Variants in RASGRP3 observed in about 807,000 individuals in gnomAD.
RASGRP3 encodes the protein ras guanyl-releasing protein 3.
A neutral mutation model predicts 82.7 loss-of-function variants in RASGRP3; 54 were observed. The observed-to-expected ratio is 0.65, with a 90% CI of 0.52 to 0.82. RASGRP3 has a LOEUF of 0.82. Among genes scored for constraint, RASGRP3 ranks in the 40% least tolerant of loss-of-function variants. The probability of loss-of-function intolerance (pLI) is 0.00; values close to 1 mark genes in which losing one functional copy is unlikely to be tolerated. For synonymous variants in RASGRP3, 309 were observed against 300.5 expected (o/e 1.03, Z -0.29); for missense variants, 861 against 828.9 (o/e 1.04, Z -0.48).
chr2:33,483,486 ATTTTTTTTTT>A (rs202150682), intron 1 of RASGRP3, among the ~76,000 whole-genome samples: 2 of 125,932 alleles, frequency 1.6e-5, no homozygotes, highest in African/African-American at 5.9e-5. Context: ...TTTAGCCACT[ATTTTTTTTTT>A]TTTTTTTTTT....
intron 17 of RASGRP3, 67 bp downstream of exon 17, chr2:33,559,097 A>C: frequency 7.5e-7 from 1 of 1,327,402 alleles, no homozygotes; most frequent in East Asian, 2.5e-5. Context: ...GATGAGCGTT[A>C]CAGAGGGTCT....
chr2:33,487,564 C>G (rs1668501976), intron 1 of RASGRP3, among the ~76,000 whole-genome samples: 1 of 152,106 alleles, frequency 6.6e-6, no homozygotes. Context: ...AAGCAGTTAG[C>G]CTGGTTCAGC....
chr2:33,453,506 T>C (rs1398624272), intron 2 of RASGRP3, among the ~76,000 whole-genome samples: 2 of 152,222 alleles, frequency 1.3e-5, no homozygotes, highest in Non-Finnish European at 2.9e-5. Context: ...AGTTCCTTTC[T>C]TCGTGGACTT....
chr2:33,455,738 A>G (rs1198008671), intron 2 of RASGRP3, among the ~76,000 whole-genome samples: 1 of 152,216 alleles, frequency 6.6e-6, no homozygotes, highest in East Asian at 1.9e-4. Flanking sequence ...TGCAGACTCT[A>G]TGAAAGAACG....
At chr2:33,548,179 G>A (rs1674992759) in intron 13 of RASGRP3, among the ~76,000 whole-genome samples, 2 of 151,970 alleles carry the variant, frequency 1.3e-5, no homozygotes, top group Non-Finnish European at 2.9e-5. Flanking sequence ...GGCTAACACG[G>A]TGAAACCCCG....
In RASGRP3 at chr2:33,523,834, A is replaced by G. The variant is rs111884492; in HGVS notation, c.517-45A>G. ...GCAATATTCTAATTTTTGATTTTAC[A>G]AAGGCTCTATTATAATTCAGAGTCT... is the stretch of plus-strand genomic sequence containing the variant. On this transcript the variant is annotated intron_variant, in intron 7 of 17. Transcript: ENST00000403687. The G allele has an allele frequency of 8.6e-4, 1,287 of 1,494,504 alleles. 12 individuals carry two copies. The African/African-American group carries it at 0.016, about 18-fold the overall frequency. 92.6% of individuals were successfully genotyped at this position (1,494,504 alleles called of 1,614,324 possible). A position where few individuals can be genotyped will look rare whatever the true frequency, so the allele number is the denominator to read the frequency against.
At chr2:33,547,342 C>CTTTTTTTTTTTTTTTGTTTTTTTT (rs1674886384) in intron 13 of RASGRP3, among the ~76,000 whole-genome samples, 1 of 68,178 alleles carries the variant, frequency 1.5e-5, no homozygotes, top group African/African-American at 5.8e-5. Flanking sequence ...ATATAGAATC[C>CTTTTTTTTTTTTTTTGTTTTTTTT]TTTTTTTTTT....
rs1558517933 is a variant in RASGRP3 at position 33,549,700 on chromosome 2, T to A, written c.1491T>A (p.Phe497Leu). 1.9e-6 allele frequency: 3 copies of A among 1,613,992 alleles called. No individual in the cohort carries two copies. The highest frequency in any genetic ancestry group is 2.5e-6 in the Non-Finnish European group (3 of 1,179,874). ...CKMGPGFIHNFQEMTYLKPTF... is the reference protein window; with the variant it reads ...CKMGPGFIHNLQEMTYLKPTF... ...TGGGACCAGGATTTATCCATAATTT[T>A]CAGGAGATGACCTATCTCAAGCCAA... Residue 497 changes from phenylalanine (F) to leucine (L), a missense_variant, in exon 14 of 18, where the codon TTT (phenylalanine) becomes TTA (leucine). By Grantham distance (22) the Phe-to-Leu change is conservative. Transcript: ENST00000403687.
Position 33,556,231 on chromosome 2 carries a change from C to CTTTTTTTTTTTTT in RASGRP3, c.1579+679_1579+691dup, listed in dbSNP as rs573022728. Among the ~76,000 whole-genome samples the CTTTTTTTTTTTTT allele has an allele frequency of 3.1e-4, 18 of 57,494 alleles. 2 individuals are homozygous for CTTTTTTTTTTTTT. The East Asian group carries it at 4.1e-3, about 13-fold the overall frequency. The allele number at this position is 57,494 out of a possible 152,430, so 37.7% of individuals were successfully genotyped here. On this transcript the variant is annotated intron_variant, in intron 15 of 17. Transcript: ENST00000403687. Reference sequence around the variant, plus strand: ...CAGTTTATATGGTTCTTCTAATAATCTTTTTTTTTTTTTTTTTTTTTTTTT... The same window carrying CTTTTTTTTTTTTT: ...CAGTTTATATGGTTCTTCTAATAATCTTTTTTTTTTTTTTTTTTTTTTTTTTTTTTTTTTTTTT...
intron 12 of RASGRP3, among the ~76,000 whole-genome samples, chr2:33,542,789 T>C (rs1674392333): frequency 1.3e-5 from 2 of 149,928 alleles, no homozygotes; most frequent in East Asian, 1.9e-4. Context: ...GTTCAAGCGA[T>C]TCTCGTGCCT....
chr2:33,527,701 A>C (rs1237221664), intron 10 of RASGRP3, among the ~76,000 whole-genome samples: 3 of 151,948 alleles, frequency 2.0e-5, no homozygotes, highest in African/African-American at 7.3e-5. Flanking sequence ...CTCAGCCCTC[A>C]CTCTCCTTCA....
chr2:33,561,246 C>T (rs1369586741), intron 17 of RASGRP3, among the ~76,000 whole-genome samples: 1 of 151,828 alleles, frequency 6.6e-6, no homozygotes, highest in East Asian at 1.9e-4. Flanking sequence ...TTTGCATTTT[C>T]AATAGAGACA....
At chr2:33,452,542 C>G (rs1665854694) in intron 2 of RASGRP3, among the ~76,000 whole-genome samples, 1 of 152,180 alleles carries the variant, frequency 6.6e-6, no homozygotes, top group African/African-American at 2.4e-5. Flanking sequence ...GGGAGTGAAT[C>G]TGGACCCTGT....
At chr2:33,538,810 C>T (rs766566886) in intron 11 of RASGRP3, among the ~76,000 whole-genome samples, 16 of 151,850 alleles carry the variant, frequency 1.1e-4, no homozygotes, top group Middle Eastern at 3.4e-3. Flanking sequence ...AGGCTGAGGC[C>T]GGAGAATTGC....
At chr2:33,461,427 G>A (rs10779917) in intron 2 of RASGRP3, among the ~76,000 whole-genome samples, 122,379 of 152,188 alleles carry the variant, frequency 0.8, 49,334 homozygotes, top group South Asian at 0.86. Flanking sequence ...TACAGGTGCC[G>A]TCACGACACT....
upstream of RASGRP3, among the ~76,000 whole-genome samples, chr2:33,471,901 T>C (rs1574273516): frequency 6.6e-6 from 1 of 152,024 alleles, no homozygotes; most frequent in South Asian, 2.1e-4. Context: ...TCAATGATTT[T>C]TTTTTTTAAG....
At chr2:33,445,445 C>A (rs912672162) in intron 1 of RASGRP3, among the ~76,000 whole-genome samples, 1 of 152,128 alleles carries the variant, frequency 6.6e-6, no homozygotes, top group Non-Finnish European at 1.5e-5. Context: ...AAATAATGAC[C>A]ATTCATTGCA....
At chr2:33,475,004 C>A (rs1479177157), upstream of RASGRP3, among the ~76,000 whole-genome samples, 1 of 152,126 alleles carries the variant, frequency 6.6e-6, no homozygotes, top group Non-Finnish European at 1.5e-5. Context: ...GCCATCAGAT[C>A]ACAAAAGTTT....
chr2:33,463,154 A>G (rs1053029307), intron 2 of RASGRP3, among the ~76,000 whole-genome samples: 4 of 152,158 alleles, frequency 2.6e-5, no homozygotes, highest in Non-Finnish European at 5.9e-5. Context: ...TGGGGGAGAA[A>G]GCTGTGTGTA....
Sources: allele counts gnomAD v4.1 joint callset (sites outside exome capture counted in the v4.1 genomes callset), GRCh38; gene constraint gnomAD v4.1.1; transcripts MANE v1.5; gene names NCBI Gene and HGNC (gene_info 2026-07-23, HGNC 2026-07-21).